The following BCKDHB variants were observed in gnomAD, a reference collection of about 807,000 sequenced individuals.
BCKDHB encodes branched chain keto acid dehydrogenase E1 subunit beta.
In BCKDHB, 41 loss-of-function variants were observed where a neutral mutation model predicts 48.5. The ratio of observed to expected loss-of-function variants is 0.85; its 90% CI spans 0.66 to 1.10. The LOEUF is 1.10. Among genes scored for constraint, BCKDHB ranks in the 50% least tolerant of loss-of-function variants. The pLI is 0.00. For missense variants in BCKDHB, 496 were observed against 494.2 expected (o/e 1.00, Z -0.03); for synonymous variants, 201 against 174.8 (o/e 1.15, Z -1.18).
At chr6:80,338,924 T>A (rs1206348840) in intron 9 of BCKDHB, among the ~76,000 whole-genome samples, 1 of 152,124 alleles carries the variant, frequency 6.6e-6, no homozygotes, top group Non-Finnish European at 1.5e-5. Flanking sequence ...TCGGGGAGGT[T>A]AAGTCACAAT....
intron 8 of BCKDHB, among the ~76,000 whole-genome samples, chr6:80,238,097 T>A (rs1776219901): frequency 6.6e-6 from 1 of 152,170 alleles, no homozygotes; most frequent in African/African-American, 2.4e-5. Context: ...TTTAATCTTT[T>A]TTAAATTTTT....
chr6:80,117,069 A>C (rs966775322), intron 1 of BCKDHB, among the ~76,000 whole-genome samples: 1 of 152,224 alleles, frequency 6.6e-6, no homozygotes, highest in African/African-American at 2.4e-5. Context: ...TCATGCTGTA[A>C]CTTTAAAAAA....
chr6:80,305,928 G>A (rs1040391512), intron 9 of BCKDHB, among the ~76,000 whole-genome samples: 1 of 152,170 alleles, frequency 6.6e-6, no homozygotes, highest in African/African-American at 2.4e-5. Context: ...AGTGAATCTA[G>A]AGCCAGCCTG....
At chr6:80,138,916 G>C (rs1364077993) in intron 3 of BCKDHB, among the ~76,000 whole-genome samples, 33 of 152,108 alleles carry the variant, frequency 2.2e-4, no homozygotes, top group South Asian at 4.1e-4. Flanking sequence ...TATAGTCCCA[G>C]CAACAGTGTA....
chr6:80,262,747 A>G (rs1322535581), intron 8 of BCKDHB, among the ~76,000 whole-genome samples: 2 of 152,152 alleles, frequency 1.3e-5, no homozygotes, highest in Non-Finnish European at 2.9e-5. Context: ...TTATTCATAG[A>G]CAATATAGCA....
intron 8 of BCKDHB, among the ~76,000 whole-genome samples, chr6:80,205,667 G>A (rs1774611698): frequency 6.6e-6 from 1 of 152,028 alleles, no homozygotes; most frequent in South Asian, 2.1e-4. Flanking sequence ...AGAAACCACA[G>A]CTAGTTTTTC....
At chr6:80,391,177 A>ATGTGTGTG in the BCKDHB span, among the ~76,000 whole-genome samples, 3 of 149,102 alleles carry the variant, frequency 2.0e-5, no homozygotes, top group South Asian at 2.2e-4. Context: ...GCATATATAT[A>ATGTGTGTG]TGTGTGTGTG....
chr6:80,252,508 A>G (rs1562176722), intron 8 of BCKDHB, among the ~76,000 whole-genome samples: 1 of 152,310 alleles, frequency 6.6e-6, no homozygotes, highest in East Asian at 1.9e-4. Context: ...AAGTTATTTT[A>G]ATAGCTTTTC....
At chr6:80,315,527 C>A (rs997255549) in intron 9 of BCKDHB, among the ~76,000 whole-genome samples, 6 of 151,840 alleles carry the variant, frequency 4.0e-5, no homozygotes, top group African/African-American at 1.5e-4. Context: ...ACTCACCCCC[C>A]TTTTGTTGCT....
At chr6:80,270,737 A>G (rs1582476549) in intron 8 of BCKDHB, among the ~76,000 whole-genome samples, 3 of 152,236 alleles carry the variant, frequency 2.0e-5, no homozygotes, top group Middle Eastern at 3.4e-3. Flanking sequence ...TGAGCTGGAT[A>G]TGGTCCTGAC....
At chr6:80,315,269 A>G (rs1768383161) in intron 9 of BCKDHB, among the ~76,000 whole-genome samples, 1 of 152,176 alleles carries the variant, frequency 6.6e-6, no homozygotes, top group African/African-American at 2.4e-5. Context: ...TGTTGGACCC[A>G]AGGCCCTGGT....
intron 3 of BCKDHB, among the ~76,000 whole-genome samples, chr6:80,163,374 A>T (rs1772418052): frequency 6.7e-6 from 1 of 150,020 alleles, no homozygotes; most frequent in African/African-American, 2.5e-5. Context: ...GTCACCAATG[A>T]TAAAATCCTC....
At chr6:80,290,180 A>C (rs1292726556) in intron 9 of BCKDHB, among the ~76,000 whole-genome samples, 3 of 145,754 alleles carry the variant, frequency 2.1e-5, no homozygotes, top group Non-Finnish European at 4.5e-5. Context: ...GCATTTTGGG[A>C]GTAAGTAGCC....
the BCKDHB span, among the ~76,000 whole-genome samples, chr6:80,422,117 C>T: frequency 6.6e-6 from 1 of 152,164 alleles, no homozygotes; most frequent in Non-Finnish European, 1.5e-5. Context: ...CAGGACCCCA[C>T]TGCTCTGTTC....
the BCKDHB span, among the ~76,000 whole-genome samples, chr6:80,384,420 G>A: frequency 4.6e-5 from 7 of 151,336 alleles, no homozygotes; most frequent in African/African-American, 7.3e-5. Context: ...GTGCAATGGC[G>A]CGATCTTGGC....
the BCKDHB span, among the ~76,000 whole-genome samples, chr6:80,439,269 A>G: frequency 0.027 from 4,115 of 152,278 alleles, 167 homozygotes; most frequent in African/African-American, 0.08. Flanking sequence ...GGTGGAACTC[A>G]GTCGCATTTA....
At chr6:80,194,781 T>G (rs1774060166) in intron 6 of BCKDHB, among the ~76,000 whole-genome samples, 1 of 152,250 alleles carries the variant, frequency 6.6e-6, no homozygotes, top group South Asian at 2.1e-4. Context: ...CTTTTAGCCT[T>G]TGTGCAGCTA....
In BCKDHB at chr6:80,282,199, T is replaced by C. The variant is rs143754648; in HGVS notation, c.1038+8978T>C. ...ACTATAGCCAGCAAACATGAAAAAA[T>C]ATGCCACTTACTATTGATAAAATGC... On this transcript the variant is annotated intron_variant, in intron 9 of 9. Transcript: ENST00000320393. Among the ~76,000 whole-genome samples the C allele has an allele frequency of 1.6e-3, 242 of 152,146 alleles. 4 individuals are homozygous for C. Among genetic ancestry groups the C allele is most frequent in the African/African-American group, 5.7e-3 (236 of 41,532 alleles).
chr6:80,418,184 T>C, the BCKDHB span, among the ~76,000 whole-genome samples: 2 of 152,218 alleles, frequency 1.3e-5, no homozygotes, highest in African/African-American at 4.8e-5. Flanking sequence ...CTCTATCAGG[T>C]CGTTTGTTTT....
Sources: gnomAD v4.1 joint callset for allele counts (sites outside exome capture counted in the v4.1 genomes callset) on GRCh38, gnomAD v4.1.1 for gene constraint, MANE v1.5 for transcripts, NCBI Gene and HGNC (gene_info 2026-07-23, HGNC 2026-07-21) for gene names.